The following GABRG3 variants were observed in gnomAD, a reference collection of about 807,000 sequenced individuals.
GABRG3 encodes gamma-aminobutyric acid receptor subunit gamma-3.
GABRG3 carries 25 observed loss-of-function variants against 48.8 expected under a neutral mutation model. That is an observed-to-expected ratio of 0.51 (90% confidence interval 0.37 to 0.72). The LOEUF is 0.72. Among genes scored for constraint, GABRG3 ranks in the 30% least tolerant of loss-of-function variants. GABRG3 has a pLI of 0.00. For synonymous variants in GABRG3, 227 were observed against 217.6 expected (o/e 1.04, Z -0.38); for missense variants, 394 against 577.9 (o/e 0.68, Z 3.26).
chr15:27,392,646 TA>T (rs761575755), intron 5 of GABRG3, among the ~76,000 whole-genome samples: 1 of 152,204 alleles, frequency 6.6e-6, no homozygotes, highest in Non-Finnish European at 1.5e-5. Flanking sequence ...ACTCACACTT[TA>T]AGGACTAGGG....
At chr15:27,381,294 G>T (rs1282566445) in intron 5 of GABRG3, among the ~76,000 whole-genome samples, 17 of 152,218 alleles carry the variant, frequency 1.1e-4, no homozygotes, top group Admixed American at 1.1e-3. Context: ...GTTAAGAACA[G>T]AATGCTCTCG....
At chr15:27,292,593 C>T (rs934516031) in intron 3 of GABRG3, among the ~76,000 whole-genome samples, 3 of 151,806 alleles carry the variant, frequency 2.0e-5, no homozygotes, top group Admixed American at 1.3e-4. Flanking sequence ...AGAATTGTAC[C>T]ATAATTTTTT....
intron 2 of GABRG3, among the ~76,000 whole-genome samples, chr15:26,993,640 T>C (rs1466568657): frequency 6.6e-6 from 1 of 152,096 alleles, no homozygotes. Flanking sequence ...CCCTTGAGTA[T>C]GATCCATGTG....
intron 3 of GABRG3, among the ~76,000 whole-genome samples, chr15:27,240,893 T>G (rs1433500552): frequency 3.3e-5 from 5 of 152,218 alleles, no homozygotes; most frequent in Non-Finnish European, 7.3e-5. Context: ...ATTCATTTAT[T>G]TTAGACCCTG....
intron 3 of GABRG3, among the ~76,000 whole-genome samples, chr15:27,133,727 A>C (rs1424140978): frequency 1.3e-5 from 2 of 152,188 alleles, no homozygotes; most frequent in Non-Finnish European, 2.9e-5. Flanking sequence ...AAGTTAATTG[A>C]ATTTGTCATG....
chr15:27,306,465 C>CAT (rs1304816653), intron 3 of GABRG3, among the ~76,000 whole-genome samples: 1 of 138,634 alleles, frequency 7.2e-6, no homozygotes, highest in Admixed American at 7.5e-5. Context: ...TAAACATAAA[C>CAT]ATGTCTATAT....
intron 3 of GABRG3, among the ~76,000 whole-genome samples, chr15:27,322,848 C>T (rs1398764770): frequency 6.6e-6 from 1 of 152,072 alleles, no homozygotes; most frequent in Non-Finnish European, 1.5e-5. Context: ...TACTTAGTAG[C>T]TGTGTGACTG....
At chr15:27,502,584 A>G (rs1595796717) in intron 6 of GABRG3, among the ~76,000 whole-genome samples, 1 of 152,208 alleles carries the variant, frequency 6.6e-6, no homozygotes, top group African/African-American at 2.4e-5. Flanking sequence ...ATCAAATCCT[A>G]AAGGTTGAGG....
At chr15:26,981,318 A>G (rs1250341751) in intron 2 of GABRG3, among the ~76,000 whole-genome samples, 3 of 152,218 alleles carry the variant, frequency 2.0e-5, no homozygotes, top group Admixed American at 2.0e-4. Flanking sequence ...ACATATTCCT[A>G]TTATATGTTA....
intron 2 of GABRG3, among the ~76,000 whole-genome samples, chr15:27,003,616 A>C (rs1358253104): frequency 8.2e-4 from 125 of 152,128 alleles, no homozygotes; most frequent in African/African-American, 1.8e-3. Context: ...TCTGCCATGT[A>C]TACTTCTTTC....
chr15:27,507,875 C>G (rs926565728), intron 6 of GABRG3, among the ~76,000 whole-genome samples: 8 of 152,134 alleles, frequency 5.3e-5, no homozygotes, highest in African/African-American at 1.9e-4. Flanking sequence ...AAATTATGTT[C>G]TGTTAGAGAA....
At chr15:27,340,802 C>A in intron 5 of GABRG3, 1 of 216,828 alleles carries the variant, frequency 4.6e-6, no homozygotes, top group South Asian at 6.7e-5. Context: ...GGCAGACAAA[C>A]CCTGGAGAGT....
chr15:26,989,992 A>G (rs1258873351), intron 2 of GABRG3, among the ~76,000 whole-genome samples: 5 of 152,208 alleles, frequency 3.3e-5, no homozygotes, highest in Non-Finnish European at 7.4e-5. Context: ...TACATTATGT[A>G]TATGTGCTGC....
chr15:27,166,108 G>A (rs909252410), intron 3 of GABRG3, among the ~76,000 whole-genome samples: 2 of 152,280 alleles, frequency 1.3e-5, no homozygotes, highest in East Asian at 1.9e-4. Flanking sequence ...TCACATTAGA[G>A]TGTAGTAACA....
intron 3 of GABRG3, among the ~76,000 whole-genome samples, chr15:27,230,569 A>G (rs963467808): frequency 2.6e-5 from 4 of 152,130 alleles, no homozygotes; most frequent in African/African-American, 9.7e-5. Context: ...ATAGGCTTTT[A>G]TAATTTGTAT....
At chr15:27,059,786 G>A (rs1051351493) in intron 3 of GABRG3, among the ~76,000 whole-genome samples, 1 of 152,194 alleles carries the variant, frequency 6.6e-6, no homozygotes, top group Non-Finnish European at 1.5e-5. Context: ...GACACAGTTC[G>A]ATTATTGACC....
At chr15:27,504,377 T>C (rs1890714390) in intron 6 of GABRG3, among the ~76,000 whole-genome samples, 1 of 152,160 alleles carries the variant, frequency 6.6e-6, no homozygotes, top group Non-Finnish European at 1.5e-5. Flanking sequence ...TAAAACTTTT[T>C]GACTTGTTAT....
intron 5 of GABRG3, among the ~76,000 whole-genome samples, chr15:27,412,529 G>A (rs1012210128): frequency 1.6e-4 from 24 of 152,168 alleles, no homozygotes; most frequent in African/African-American, 5.1e-4. Context: ...TAAATAAAGC[G>A]TGTTTATATT....
At chr15:27,420,524 T>C (rs1330153634) in intron 5 of GABRG3, among the ~76,000 whole-genome samples, 1 of 152,180 alleles carries the variant, frequency 6.6e-6, no homozygotes, top group African/African-American at 2.4e-5. Context: ...AGAGAGTAGA[T>C]CTTAAGAGTT....
Sources: gnomAD v4.1 joint callset for allele counts (sites outside exome capture counted in the v4.1 genomes callset) on GRCh38, gnomAD v4.1.1 for gene constraint, MANE v1.5 for transcripts, NCBI Gene and HGNC (gene_info 2026-07-23, HGNC 2026-07-21) for gene names.